The following GIT2 variants were observed in gnomAD, a reference collection of about 807,000 sequenced individuals.
GIT2 encodes the protein GIT ArfGAP 2, also known as ARF GTPase-activating protein GIT2.
Under a neutral mutation model 100.3 loss-of-function variants are expected in GIT2, and 32 were observed. That is an observed-to-expected ratio of 0.32 (90% CI 0.24 to 0.43). The LOEUF is 0.43. Among genes scored for constraint, GIT2 ranks in the 20% least tolerant of loss-of-function variants. GIT2 has a pLI of 1.00. For synonymous variants in GIT2, 353 were observed against 364.1 expected (o/e 0.97, Z 0.35); for missense variants, 737 against 975.1 (o/e 0.76, Z 3.25).
intron 11 of GIT2, among the ~76,000 whole-genome samples, chr12:109,960,944 T>G (rs1289179537): frequency 1.3e-5 from 2 of 152,214 alleles, no homozygotes; most frequent in Admixed American, 1.3e-4. Flanking sequence ...CCTTACCAGT[T>G]TGGAGTATCC....
Position 109,933,958 on chromosome 12 carries a change from C to T in GIT2, c.2067+64G>A, listed in dbSNP as rs1592932016. 2.3e-6 allele frequency: 2 copies of T among 885,846 alleles called. No homozygotes were observed. Among genetic ancestry groups the T allele is most frequent in the East Asian group, 4.8e-5 (2 of 41,618 alleles). The allele number at this position is 885,846 out of a possible 1,614,324, so 54.9% of individuals were successfully genotyped here. A position where few individuals can be genotyped will look rare whatever the true frequency, so the allele number is the denominator to read the frequency against. On this transcript the variant is annotated intron_variant, in intron 19 of 19. Transcript: ENST00000355312. The surrounding 1 kb of genome is among the most constrained non-coding windows in gnomAD (Gnocchi z 4.5). ...AAAAAAGCTAATGTAATATATAGGT[C>T]ATAAAGAAATTTCTTGCTGTTCATT...
intron 8 of GIT2, chr12:109,967,195 T>C (rs1882725053): frequency 2.9e-6 from 2 of 685,002 alleles, no homozygotes; most frequent in Non-Finnish European, 5.0e-6. Context: ...AATAAATAAA[T>C]ACAAAATACT....
intron 18 of GIT2, among the ~76,000 whole-genome samples, chr12:109,936,570 C>T (rs978040085): frequency 4.6e-5 from 7 of 152,256 alleles, no homozygotes; most frequent in Middle Eastern, 3.4e-3. Flanking sequence ...TTACATTAAA[C>T]GCTGTCAAAA....
intron 18 of GIT2, among the ~76,000 whole-genome samples, chr12:109,935,971 G>T (rs906324022): frequency 6.6e-6 from 1 of 152,182 alleles, no homozygotes; most frequent in Non-Finnish European, 1.5e-5. Context: ...CATAATCCCT[G>T]AATTGTATGT....
intron 7 of GIT2, among the ~76,000 whole-genome samples, chr12:109,979,198 A>G (rs1464098602): frequency 3.3e-5 from 5 of 151,846 alleles, no homozygotes; most frequent in African/African-American, 1.2e-4. Flanking sequence ...GAGGAGGAGG[A>G]AAAAACCCCA....
chr12:109,958,520 G>C (rs1880189067), intron 12 of GIT2, among the ~76,000 whole-genome samples: 1 of 152,064 alleles, frequency 6.6e-6, no homozygotes, highest in Non-Finnish European at 1.5e-5. Context: ...TGGGATTACA[G>C]GCGTAAGGCA....
At chr12:109,955,268 C>T (rs1479931768) in intron 12 of GIT2, among the ~76,000 whole-genome samples, 6 of 152,076 alleles carry the variant, frequency 3.9e-5, no homozygotes, top group East Asian at 1.9e-4. Flanking sequence ...AGACTACAAG[C>T]GCCCGCCACC....
chr12:109,981,173 T>A, intron 6 of GIT2, 127 bp from the exon 7 acceptor site: 1 of 697,090 alleles, frequency 1.4e-6, no homozygotes, highest in Non-Finnish European at 2.6e-6. Context: ...TCATCAACCT[T>A]CTTGTGGTAG....
chr12:109,953,406 G>T (rs1246316721), intron 12 of GIT2, 172 bp from the exon 13 acceptor site: 1 of 621,794 alleles, frequency 1.6e-6, no homozygotes, highest in Admixed American at 2.8e-5. Context: ...ACTGCTTGAG[G>T]CCAGGAGTTT....
At chr12:109,995,996 C>A (rs887602209) in intron 1 of GIT2, 177 bp downstream of exon 1, 6 of 475,030 alleles carry the variant, frequency 1.3e-5, no homozygotes, top group African/African-American at 6.1e-5. Flanking sequence ...GGGAGGGCGG[C>A]GGCCCCCTGC....
chr12:109,969,782 G>A (rs926501223), intron 7 of GIT2, among the ~76,000 whole-genome samples: 2 of 151,514 alleles, frequency 1.3e-5, no homozygotes, highest in Non-Finnish European at 2.9e-5. Context: ...TTGAGACGCG[G>A]TCTCACTCTG....
chr12:109,995,362 T>G (rs1032648892), intron 1 of GIT2, among the ~76,000 whole-genome samples: 1 of 152,186 alleles, frequency 6.6e-6, no homozygotes, highest in Admixed American at 6.5e-5. Context: ...ATTTAGATAG[T>G]CAAATATAGC....
intron 15 of GIT2, 106 bp from the exon 16 acceptor site, chr12:109,945,455 A>AC: frequency 1.3e-5 from 9 of 689,948 alleles, no homozygotes; most frequent in Non-Finnish European, 2.4e-5. Context: ...ACATTATGTG[A>AC]CGTGAGTGCT....
In GIT2 at chr12:109,934,857, C is replaced by T. The variant is rs1669560195; in HGVS notation, c.2004-772G>A. ...TTGGGAGGCCAAAGCGGGCGGATCA[C>T]CTGAGGTCAGGAGTTTGAGACCAGC... On this transcript the variant is annotated intron_variant, in intron 18 of 19. Coordinates refer to ENST00000355312, the MANE Select transcript of GIT2 (RefSeq NM_057169.5). The surrounding 1 kb of genome is among the most constrained non-coding windows in gnomAD (Gnocchi z 4.5). 6.6e-6 allele frequency among the ~76,000 whole-genome samples: 1 copy of T among 152,304 alleles called. No homozygotes were observed. Among genetic ancestry groups the T allele is most frequent in the African/African-American group, 2.4e-5 (1 of 41,576 alleles).
At chr12:109,988,491 G>A (rs531328459) in intron 4 of GIT2, among the ~76,000 whole-genome samples, 106 of 151,786 alleles carry the variant, frequency 7.0e-4, no homozygotes, top group Non-Finnish European at 1.1e-3. Context: ...GCAGTGAACC[G>A]TGATTGCACC....
At chr12:109,944,173 C>T (rs566340461) in intron 16 of GIT2, among the ~76,000 whole-genome samples, 1 of 152,226 alleles carries the variant, frequency 6.6e-6, no homozygotes, top group African/African-American at 2.4e-5. Flanking sequence ...ACATGAGACT[C>T]TGTCTCTAAA....
Position 109,938,584 on chromosome 12 carries a change from A to G in GIT2, c.1815-16T>C. 1 of 1,558,466 alleles carries G rather than the reference A, an allele frequency of 6.4e-7. No individual in the cohort carries two copies. The highest frequency in any genetic ancestry group is 8.7e-7 in the Non-Finnish European group (1 of 1,152,538). On this transcript the variant is annotated splice_polypyrimidine_tract_variant and intron_variant, in intron 17 of 19. Coordinates refer to ENST00000355312, the MANE Select transcript of GIT2 (RefSeq NM_057169.5). ...TCGGCTTGACCTGTGAACATTAAAG[A>G]TGCAGTTAAATACAGCAGGTGCTTA...
At chr12:109,995,432 A>G (rs1406569017) in intron 1 of GIT2, among the ~76,000 whole-genome samples, 2 of 152,202 alleles carry the variant, frequency 1.3e-5, no homozygotes, top group South Asian at 4.1e-4. Context: ...AAAGCCTTAG[A>G]TGATATGATT....
rs1235603651 is a variant in GIT2 at position 109,932,845 on chromosome 12, TGA to T, written c.*131_*132del. 6.4e-6 allele frequency: 4 copies of T among 629,530 alleles called. No individual in the cohort carries two copies. Among genetic ancestry groups the T allele is most frequent in the Non-Finnish European group, 1.1e-5 (4 of 353,436 alleles). The allele number at this position is 629,530 out of a possible 1,614,324, so 39.0% of individuals were successfully genotyped here. On this transcript the variant is annotated 3_prime_UTR_variant, in exon 20 of 20. Coordinates refer to ENST00000355312, the MANE Select transcript of GIT2 (RefSeq NM_057169.5). ...GTTAGAAAACATGCAAAAATAATAC[TGA>T]GTTTTCTTTTAAAAAGTTTTAAACC...
Sources: allele counts gnomAD v4.1 joint callset (sites outside exome capture counted in the v4.1 genomes callset), GRCh38; gene constraint gnomAD v4.1.1; non-coding constraint Gnocchi (gnomAD v3.1); transcripts MANE v1.5; gene names NCBI Gene and HGNC (gene_info 2026-07-23, HGNC 2026-07-21).